Variants in ITPKB observed in about 807,000 individuals in gnomAD.
ITPKB encodes IP3 3-kinase B.
In ITPKB, 13 loss-of-function variants were observed where a neutral mutation model predicts 69.4. The ratio of observed to expected loss-of-function variants is 0.19; its 90% confidence interval spans 0.12 to 0.30. ITPKB has a LOEUF of 0.30. Among genes scored for constraint, ITPKB ranks in the 10% least tolerant of loss-of-function variants. The pLI, the probability that ITPKB is intolerant of heterozygous loss-of-function variation, is 1.00. For synonymous variants in ITPKB, 584 were observed against 513.7 expected, an observed-to-expected ratio of 1.14 and a Z score of -1.85; for missense variants, 1,240 against 1,250.5, an observed-to-expected ratio of 0.99 and a Z score of 0.13.
intron 2 of ITPKB, among the ~76,000 whole-genome samples, chr1:226,689,901 A>G (rs1488544056): frequency 6.6e-6 from 1 of 152,126 alleles, no homozygotes; most frequent in Admixed American, 6.5e-5. Flanking sequence ...TTTGCTGAGG[A>G]GAATGGCCTC....
At chr1:226,640,149 C>T (rs1242904316) in intron 5 of ITPKB, among the ~76,000 whole-genome samples, 1 of 152,210 alleles carries the variant, frequency 6.6e-6, no homozygotes, top group African/African-American at 2.4e-5. Context: ...TTATAATCTA[C>T]CATCTCTTCT....
chr1:226,680,129 G>T (rs1489465475), intron 2 of ITPKB, among the ~76,000 whole-genome samples: 1 of 152,226 alleles, frequency 6.6e-6, no homozygotes, highest in African/African-American at 2.4e-5. Flanking sequence ...CTCAAACTAA[G>T]CTTGGGGAGG....
Position 226,735,705 on chromosome 1 carries a change from G to A in ITPKB, c.1754C>T (p.Thr585Met), listed in dbSNP as rs192959669. The A allele has an allele frequency of 8.0e-5, 128 of 1,592,666 alleles. No homozygotes were observed. The South Asian group carries it at 8.5e-4, about 11-fold the overall frequency. Residue 585 changes from threonine to methionine, a missense_variant, in exon 2 of 8, where the codon ACG (threonine) becomes ATG (methionine). Thr to Met is a moderately conservative substitution (Grantham distance 81). This residue lies in a region of ITPKB where 992 missense variants were observed against 853.8 expected (regional missense o/e 1.16). Transcript: ENST00000429204. Reference protein sequence around the residue: ...GTQEDGALEETQGSPRGNLPL... With the variant: ...GTQEDGALEEMQGSPRGNLPL... ...CAGGTTGCCCCGAGGGCTTCCCTGC[G>A]TCTCCTCCAAGGCCCCATCCTCCTG... is the stretch of plus-strand genomic sequence containing the variant.
At chr1:226,689,569 TTGTGTGTGTG>T (rs10589027) in intron 2 of ITPKB, among the ~76,000 whole-genome samples, 2,627 of 138,548 alleles carry the variant, frequency 0.019, 64 homozygotes, top group African/African-American at 0.062. Flanking sequence ...AAGGTTTTAT[TTGTGTGTGTG>T]TGTGTGTGTG....
In ITPKB at chr1:226,737,100, G is replaced by C. The variant is rs1317919486; in HGVS notation, c.359C>G (p.Ser120Cys). 2 of 1,607,456 alleles carry C rather than the reference G, an allele frequency of 1.2e-6. No individual in the cohort carries two copies. The highest frequency in any genetic ancestry group is 2.2e-5 in the East Asian group (1 of 44,840). The change falls in exon 2 of 8, where the codon TCC (serine) becomes TGC (cysteine). Residue 120 changes from serine (S) to cysteine (C), a missense_variant. By Grantham distance (112) the Ser-to-Cys change is moderately radical (BLOSUM62 -1). Transcript: ENST00000429204. ...RQQVVAAGTL[S>C]PPGPEEAKRK... ...CTTGGCCTCCTCCGGCCCTGGCGGG[G>C]AGAGGGTACCGGCTGCCACCACCTG...
At chr1:226,667,285 T>C (rs1420965291) in intron 2 of ITPKB, among the ~76,000 whole-genome samples, 1 of 152,216 alleles carries the variant, frequency 6.6e-6, no homozygotes, top group Non-Finnish European at 1.5e-5. Flanking sequence ...GGCACACTGC[T>C]TTCCCAGAGT....
intron 7 of ITPKB, among the ~76,000 whole-genome samples, chr1:226,636,067 A>G (rs1668832243): frequency 6.6e-6 from 1 of 152,262 alleles, no homozygotes; most frequent in Non-Finnish European, 1.5e-5. Context: ...GGAGACCCCA[A>G]AAAGTGTAGA....
At chr1:226,693,534 C>A (rs1225776327) in intron 2 of ITPKB, among the ~76,000 whole-genome samples, 1 of 152,198 alleles carries the variant, frequency 6.6e-6, no homozygotes, top group East Asian at 1.9e-4. Context: ...TTCATATACC[C>A]AGACACATAC....
rs1047478622 is a variant in ITPKB at position 226,736,594 on chromosome 1, G to C, written c.865C>G (p.Leu289Val). The change falls in exon 2 of 8, where the codon CTA (leucine) becomes GTA (valine). Residue 289 changes from leucine (L) to valine (V), a missense_variant. By Grantham distance (32) the Leu-to-Val change is conservative. Transcript: ENST00000429204. The part of the protein sequence containing the change: ...GSPTPGTRSC[L>V]APSLGLFGAS... ...CCGAACAGCCCCAATGAGGGAGCTA[G>C]GCAGCTCCGAGTTCCCGGGGTAGGA... 1 of 1,613,740 alleles carries C rather than the reference G, an allele frequency of 6.2e-7. No individual in the cohort carries two copies. The highest frequency in any genetic ancestry group is 1.1e-5 in the South Asian group (1 of 91,096).
chr1:226,650,375 C>G (rs1486932779), intron 2 of ITPKB, among the ~76,000 whole-genome samples: 1 of 152,218 alleles, frequency 6.6e-6, no homozygotes, highest in Non-Finnish European at 1.5e-5. Flanking sequence ...GGCAGCGCCC[C>G]ATGAGGCCAT....
rs928863477 is a variant in ITPKB, at chr1:226,738,145, C to G, written c.-205-482G>C. Among the ~76,000 whole-genome samples, 1 of 152,134 alleles carries G rather than the reference C, an allele frequency of 6.6e-6. No homozygotes were observed. Among genetic ancestry groups the G allele is most frequent in the Admixed American group, 6.5e-5 (1 of 15,290 alleles). On this transcript the variant is annotated intron_variant, in intron 1 of 7. Coordinates refer to ENST00000429204, the MANE Select transcript of ITPKB (RefSeq NM_002221.4). The surrounding 1 kb of genome is among the most constrained non-coding windows in gnomAD (Gnocchi z 4.2). ...GTCTCCCTGCTCCACCCTCTCGGGG[C>G]ATCAGAGACCGACCGGCTCGGAGGG...
rs1283808003 is a variant in ITPKB, at chr1:226,737,360, C to T, written c.99G>A (p.Thr33=). Residue 33 remains threonine, a synonymous_variant, in exon 2 of 8, where the codon ACG becomes ACA. Transcript: ENST00000429204. ...GCACTGCCCTCCTCGGGGGCGGGGGCGTCTCGCTGCCACTGGGCCCCGGGC... is the reference window on the plus strand; with the variant it reads ...GCACTGCCCTCCTCGGGGGCGGGGGTGTCTCGCTGCCACTGGGCCCCGGGC... ...GGGPGPSGSE[T]PPPPRRAVLS... The T allele has an allele frequency of 2.5e-6, 4 of 1,605,698 alleles. No individual in the cohort carries two copies. The African/African-American group carries it at 5.4e-5, about 22-fold the overall frequency.
At chr1:226,702,020 A>T (rs1202163088) in intron 2 of ITPKB, among the ~76,000 whole-genome samples, 2 of 152,136 alleles carry the variant, frequency 1.3e-5, no homozygotes, top group African/African-American at 4.8e-5. Flanking sequence ...CTTGCCTAAG[A>T]CCAGAGAAAA....
At position 226,707,851 on chromosome 1, in the gene ITPKB, C is replaced by T. The variant is rs1412458819; in HGVS notation, c.1932+27676G>A. 4 of 1,267,562 alleles carry T rather than the reference C, an allele frequency of 3.2e-6. No individual in the cohort carries two copies. The African/African-American group carries it at 6.3e-5, about 20-fold the overall frequency. The allele number at this position is 1,267,562 out of a possible 1,614,324, so 78.5% of individuals were successfully genotyped here. On this transcript the variant is annotated intron_variant, in intron 2 of 7. Coordinates refer to ENST00000429204, the MANE Select transcript of ITPKB (RefSeq NM_002221.4). ...GTGTAGGAAGATGAAATATGCTATA[C>T]ATCATTCTTGGTATTGGACGTTGCC...
intron 2 of ITPKB, among the ~76,000 whole-genome samples, chr1:226,719,133 G>T (rs1657167165): frequency 6.6e-6 from 1 of 152,162 alleles, no homozygotes; most frequent in African/African-American, 2.4e-5. Context: ...AAAAAAAGTA[G>T]CCAGTTGTGG....
intron 2 of ITPKB, among the ~76,000 whole-genome samples, chr1:226,658,553 G>A (rs1421395383): frequency 6.6e-6 from 1 of 152,156 alleles, no homozygotes; most frequent in Non-Finnish European, 1.5e-5. Flanking sequence ...AAGACTAACT[G>A]CCTTTCCCCC....
chr1:226,709,667 C>T (rs997339998), intron 2 of ITPKB, among the ~76,000 whole-genome samples: 1 of 152,156 alleles, frequency 6.6e-6, no homozygotes, highest in Admixed American at 6.5e-5. Context: ...AAATATGAAA[C>T]TTCCATGACT....
At chr1:226,644,338 A>G (rs1669023032) in intron 4 of ITPKB, among the ~76,000 whole-genome samples, 1 of 152,222 alleles carries the variant, frequency 6.6e-6, no homozygotes, top group Non-Finnish European at 1.5e-5. Context: ...AGGGAAGCAG[A>G]GACCTGCTCG....
intron 2 of ITPKB, among the ~76,000 whole-genome samples, chr1:226,716,680 A>G (rs985395025): frequency 6.6e-6 from 1 of 151,754 alleles, no homozygotes; most frequent in Non-Finnish European, 1.5e-5. Context: ...CCAAAACGGA[A>G]AAATATTCTG....
Sources: allele counts gnomAD v4.1 joint callset (sites outside exome capture counted in the v4.1 genomes callset), GRCh38; gene constraint gnomAD v4.1.1; regional missense constraint gnomAD v4.1.1; non-coding constraint Gnocchi (gnomAD v3.1); transcripts MANE v1.5; gene names NCBI Gene and HGNC (gene_info 2026-07-23, HGNC 2026-07-21).